Variants in USP43 observed in about 807,000 individuals in gnomAD.
USP43 encodes ubiquitin carboxyl-terminal hydrolase 43.
A neutral mutation model predicts 90.7 loss-of-function variants in USP43; 33 were observed. The ratio of observed to expected loss-of-function variants is 0.36; its 90% confidence interval spans 0.28 to 0.49. The LOEUF is 0.49. Ranked by LOEUF, USP43 falls within the 20% of genes least tolerant of loss-of-function variation. The probability of loss-of-function intolerance (pLI) is 0.98; values close to 1 mark genes in which losing one functional copy is unlikely to be tolerated. For synonymous variants in USP43, 598 were observed against 615.8 expected, an observed-to-expected ratio of 0.97 and a Z score of 0.43; for missense variants, 1,274 against 1,476.4, an observed-to-expected ratio of 0.86 and a Z score of 2.25.
intron 14 of USP43, among the ~76,000 whole-genome samples, chr17:9,724,445 C>T (rs1206757950): frequency 3.0e-4 from 46 of 151,996 alleles, no homozygotes; most frequent in Admixed American, 2.9e-3. Context: ...TTTGAGAGGT[C>T]GAGGCGGGTG....
chr17:9,655,902 G>T (rs1361289812), intron 1 of USP43, among the ~76,000 whole-genome samples: 1 of 152,218 alleles, frequency 6.6e-6, no homozygotes, highest in African/African-American at 2.4e-5. Flanking sequence ...CACTGCAAAT[G>T]TGGGTATTCT....
chr17:9,645,382 T>G (rs902666636), upstream of USP43: 2 of 263,822 alleles, frequency 7.6e-6, no homozygotes, highest in African/African-American at 2.3e-5. The surrounding 1 kb of genome is among the most constrained non-coding windows in gnomAD (Gnocchi z 6.8). Context: ...AGACTCCCAG[T>G]CAGCGCAGCG....
chr17:9,705,823 T>C (rs1179949603), intron 12 of USP43, among the ~76,000 whole-genome samples: 1 of 151,934 alleles, frequency 6.6e-6, no homozygotes, highest in Non-Finnish European at 1.5e-5. Context: ...ATTGCTGTGA[T>C]AACCCTTTAG....
intron 12 of USP43, among the ~76,000 whole-genome samples, chr17:9,707,924 G>A (rs1361134858): frequency 1.3e-5 from 2 of 152,196 alleles, no homozygotes; most frequent in Non-Finnish European, 2.9e-5. Flanking sequence ...ACAATAAAAT[G>A]TGCTTATCAT....
At chr17:9,656,674 C>T in intron 2 of USP43, 140 bp downstream of exon 2, 2 of 1,108,724 alleles carry the variant, frequency 1.8e-6, no homozygotes, top group Non-Finnish European at 2.5e-6. Context: ...ACAGTCTGTT[C>T]CCTGCTTCCT....
At chr17:9,684,309 A>G (rs1341584379) in intron 7 of USP43, among the ~76,000 whole-genome samples, 1 of 152,170 alleles carries the variant, frequency 6.6e-6, no homozygotes, top group Non-Finnish European at 1.5e-5. Context: ...TGAAAGGCAA[A>G]GGACAAATGA....
At chr17:9,703,154 T>C (rs1223109621) in intron 12 of USP43, among the ~76,000 whole-genome samples, 1 of 152,102 alleles carries the variant, frequency 6.6e-6, no homozygotes, top group Non-Finnish European at 1.5e-5. Flanking sequence ...ATATATATAT[T>C]GGGAGGCATC....
intron 14 of USP43, among the ~76,000 whole-genome samples, chr17:9,719,561 C>T (rs1334348432): frequency 2.6e-5 from 4 of 152,138 alleles, no homozygotes; most frequent in Non-Finnish European, 5.9e-5. Flanking sequence ...AAAGCTCACC[C>T]CTAGAAAGTG....
At chr17:9,680,054 A>G in intron 5 of USP43, among the ~76,000 whole-genome samples, 177 bp from the exon 6 acceptor site, 1 of 145,168 alleles carries the variant, frequency 6.9e-6, no homozygotes, top group Non-Finnish European at 1.5e-5. Context: ...GTTGCACTTG[A>G]GATGTCTGAG....
intron 14 of USP43, among the ~76,000 whole-genome samples, chr17:9,722,543 C>T (rs200538840): frequency 6.6e-6 from 1 of 152,102 alleles, no homozygotes; most frequent in Non-Finnish European, 1.5e-5. Context: ...GCGAGCGAGT[C>T]GCGCTTTGTT....
chr17:9,681,462 T>TTTTATATA (rs1491455898), intron 6 of USP43, among the ~76,000 whole-genome samples: 265 of 18,556 alleles, frequency 0.014, 10 homozygotes, highest in African/African-American at 0.039. Flanking sequence ...ATAAAATATA[T>TTTTATATA]TATATATATA....
intron 12 of USP43, among the ~76,000 whole-genome samples, chr17:9,708,317 CA>C (rs1916002547): frequency 6.6e-6 from 1 of 152,072 alleles, no homozygotes; most frequent in African/African-American, 2.4e-5. Flanking sequence ...ATCTAGTGTA[CA>C]AATCAAACTA....
intron 12 of USP43, among the ~76,000 whole-genome samples, chr17:9,702,336 C>G (rs1039740246): frequency 7.2e-5 from 11 of 152,130 alleles, no homozygotes; most frequent in Admixed American, 2.6e-4. Context: ...GGCAACAGAG[C>G]GAGACCGTGT....
chr17:9,712,699 G>C (rs1475785337), intron 14 of USP43, among the ~76,000 whole-genome samples: 1 of 152,128 alleles, frequency 6.6e-6, no homozygotes, highest in Non-Finnish European at 1.5e-5. Flanking sequence ...AGTGGACAGG[G>C]GCCATGTTAG....
intron 14 of USP43, among the ~76,000 whole-genome samples, chr17:9,717,033 G>C (rs1916608024): frequency 6.6e-6 from 1 of 151,978 alleles, no homozygotes; most frequent in Non-Finnish European, 1.5e-5. Context: ...CTACTCAGGA[G>C]GCTGAGGCAG....
At chr17:9,724,185 G>A (rs924508053) in intron 14 of USP43, among the ~76,000 whole-genome samples, 1 of 152,168 alleles carries the variant, frequency 6.6e-6, no homozygotes, top group African/African-American at 2.4e-5. Flanking sequence ...GGCTGGTGGT[G>A]TGACAGCCAG....
Position 9,645,749 on chromosome 17 carries a change from AC to A in USP43, c.118del (p.Arg40AlafsTer64). 7.2e-7 allele frequency: 1 copy of A among 1,384,258 alleles called. No individual in the cohort carries two copies. Among genetic ancestry groups the A allele is most frequent in the Non-Finnish European group, 9.3e-7 (1 of 1,075,030 alleles). 85.7% of individuals were successfully genotyped at this position (1,384,258 alleles called of 1,614,324 possible). A position where few individuals can be genotyped will look rare whatever the true frequency, so the allele number is the denominator to read the frequency against. ...TCCTGCTGGCGCTGGGCAGCCGCTC[AC>A]GCCCCGGGGACTCACCGCCCCGGCC... ...RFLLALGSRS[R>X]PGDSPPRPQP... On this transcript the variant is annotated frameshift_variant, in exon 1 of 15. Coordinates refer to ENST00000285199, the MANE Select transcript of USP43 (RefSeq NM_153210.5). LOFTEE classifies it high-confidence loss of function. The surrounding 1 kb of genome is among the most constrained non-coding windows in gnomAD (Gnocchi z 6.8).
At chr17:9,678,164 A>G (rs1174175686) in intron 5 of USP43, among the ~76,000 whole-genome samples, 5 of 152,112 alleles carry the variant, frequency 3.3e-5, no homozygotes, top group African/African-American at 1.2e-4. Flanking sequence ...AGTGTGAAAA[A>G]TCTGGCAGGA....
chr17:9,695,165 A>C (rs1915183306), intron 9 of USP43, among the ~76,000 whole-genome samples: 1 of 151,230 alleles, frequency 6.6e-6, no homozygotes, highest in Non-Finnish European at 1.5e-5. Context: ...CCACCCCACA[A>C]TCCCAGTCCC....
Sources: allele counts gnomAD v4.1 joint callset (sites outside exome capture counted in the v4.1 genomes callset), GRCh38; gene constraint gnomAD v4.1.1; non-coding constraint Gnocchi (gnomAD v3.1); transcripts MANE v1.5; gene names NCBI Gene and HGNC (gene_info 2026-07-23, HGNC 2026-07-21).